UNC79: variants seen among roughly 807,000 people sequenced by gnomAD.
UNC79 encodes unc-79 subunit of NALCN channel complex.
UNC79 carries 37 observed loss-of-function variants against 283.1 expected under a neutral mutation model. The observed-to-expected ratio is 0.13, with a 90% CI of 0.10 to 0.17. UNC79 has a LOEUF of 0.17. Among genes scored for constraint, UNC79 ranks in the 10% least tolerant of loss-of-function variants. The pLI, the probability that UNC79 is intolerant of heterozygous loss-of-function variation, is 1.00. For synonymous variants in UNC79, 1,107 were observed against 1,200.2 expected, an observed-to-expected ratio of 0.92 and a Z score of 1.61; for missense variants, 2,272 against 3,211.1, an observed-to-expected ratio of 0.71 and a Z score of 7.07.
chr14:93,546,978 A>G (rs2061630935), intron 14 of UNC79, among the ~76,000 whole-genome samples: 1 of 152,242 alleles, frequency 6.6e-6, no homozygotes, highest in Admixed American at 6.5e-5. Context: ...TCAGAGAAAC[A>G]TCAGATAACA....
At chr14:93,361,785 A>C (rs765122104) in intron 1 of UNC79, among the ~76,000 whole-genome samples, 1 of 152,174 alleles carries the variant, frequency 6.6e-6, no homozygotes, top group Non-Finnish European at 1.5e-5. Flanking sequence ...CTCAAGGGGA[A>C]TGCTTCAAGC....
chr14:93,616,004 A>G (rs1031072188), intron 27 of UNC79, among the ~76,000 whole-genome samples: 11 of 152,042 alleles, frequency 7.2e-5, no homozygotes, highest in Admixed American at 2.6e-4. Flanking sequence ...TTTTATTTCA[A>G]TGGGTTTTTG....
At chr14:93,352,181 C>T (rs532806888) in intron 1 of UNC79, among the ~76,000 whole-genome samples, 1 of 152,330 alleles carries the variant, frequency 6.6e-6, no homozygotes, top group East Asian at 1.9e-4. Context: ...GGTTGCAAAC[C>T]TGCTCCTAGG....
At chr14:93,384,376 T>C (rs1474008234) in intron 1 of UNC79, among the ~76,000 whole-genome samples, 1 of 152,226 alleles carries the variant, frequency 6.6e-6, no homozygotes, top group Non-Finnish European at 1.5e-5. Context: ...TGTCTAACTT[T>C]TGGATAGAAG....
intron 1 of UNC79, among the ~76,000 whole-genome samples, chr14:93,425,208 G>A (rs993828702): frequency 1.3e-5 from 2 of 152,126 alleles, no homozygotes; most frequent in African/African-American, 4.8e-5. Flanking sequence ...ATGGTGACAG[G>A]AAGGAGAAGT....
At chr14:93,659,614 G>A (rs1051997746) in intron 39 of UNC79, among the ~76,000 whole-genome samples, 2 of 152,104 alleles carry the variant, frequency 1.3e-5, no homozygotes, top group Non-Finnish European at 2.9e-5. Context: ...ATTCCTTAAT[G>A]TGGTATCTAA....
At chr14:93,422,166 G>A (rs2055614788) in intron 1 of UNC79, among the ~76,000 whole-genome samples, 1 of 151,804 alleles carries the variant, frequency 6.6e-6, no homozygotes, top group Non-Finnish European at 1.5e-5. Context: ...TAATACATCA[G>A]TAAACACTTG....
upstream of UNC79, among the ~76,000 whole-genome samples, chr14:93,425,472 T>A (rs574076927): frequency 6.6e-6 from 1 of 152,336 alleles, no homozygotes; most frequent in East Asian, 1.9e-4. Context: ...GGACTTGCCT[T>A]ATAAAGACTT....
intron 1 of UNC79, among the ~76,000 whole-genome samples, chr14:93,435,145 G>C (rs968417273): frequency 1.3e-5 from 2 of 152,144 alleles, no homozygotes; most frequent in African/African-American, 4.8e-5. Flanking sequence ...TAGTCATTTA[G>C]AAATCTTTTC....
chr14:93,541,802 G>A (rs561194978), intron 13 of UNC79, among the ~76,000 whole-genome samples: 3 of 152,076 alleles, frequency 2.0e-5, no homozygotes, highest in South Asian at 2.1e-4. Context: ...TCGGGAGATC[G>A]AGACCATCCT....
At chr14:93,595,971 A>T (rs2141981667) in intron 23 of UNC79, among the ~76,000 whole-genome samples, 1 of 152,316 alleles carries the variant, frequency 6.6e-6, no homozygotes, top group South Asian at 2.1e-4. Context: ...CAGTGAATTT[A>T]TTGAATAAAT....
chr14:93,607,290 G>T (rs1047832679), intron 26 of UNC79, among the ~76,000 whole-genome samples: 1 of 152,054 alleles, frequency 6.6e-6, no homozygotes, highest in Non-Finnish European at 1.5e-5. Context: ...GTTCCTCATC[G>T]CCTGGAACGC....
In UNC79 at chr14:93,418,439, G is replaced by A. The variant is rs1456561355; in HGVS notation, c.-350-49232G>A. Among the ~76,000 whole-genome samples the A allele has an allele frequency of 7.9e-5, 12 of 151,892 alleles. 1 individual carries two copies. In the South Asian group the frequency reaches 2.6e-3, roughly 32 times the overall value. On this transcript the variant is annotated intron_variant, in intron 1 of 49. Coordinates refer to the UNC79 transcript ENST00000256339. ...TGTCAGTCTGCCCCTACTGGGGGGT[G>A]CCTCCCAGTTAGGCTGCTCGGGGGT...
intron 20 of UNC79, among the ~76,000 whole-genome samples, chr14:93,583,717 A>G (rs2063993471): frequency 6.6e-6 from 1 of 152,072 alleles, no homozygotes; most frequent in South Asian, 2.1e-4. Context: ...CCTGGGGGGA[A>G]GAGGAGGGCA....
chr14:93,525,051 A>C (rs549453158), intron 8 of UNC79, among the ~76,000 whole-genome samples: 30 of 152,346 alleles, frequency 2.0e-4, no homozygotes, highest in African/African-American at 6.7e-4. Context: ...GCCGGTAATA[A>C]CACTGTCATC....
chr14:93,570,047 G>A (rs2063124303), intron 14 of UNC79, among the ~76,000 whole-genome samples: 1 of 152,136 alleles, frequency 6.6e-6, no homozygotes, highest in Non-Finnish European at 1.5e-5. Flanking sequence ...TCTGGGCTCA[G>A]TCGATCCTCC....
intron 22 of UNC79, among the ~76,000 whole-genome samples, chr14:93,590,127 C>T (rs187845653): frequency 3.3e-5 from 5 of 152,208 alleles, no homozygotes; most frequent in Admixed American, 6.5e-5. Flanking sequence ...CTTATTAGGG[C>T]ACTAGTCATT....
At chr14:93,347,191 A>T in intron 1 of UNC79, 1 of 1,481,138 alleles carries the variant, frequency 6.8e-7, no homozygotes, top group South Asian at 1.3e-5. Flanking sequence ...CAGCTGCCTC[A>T]CGAGCACTGG....
chr14:93,394,816 A>G (rs541184934), intron 1 of UNC79, among the ~76,000 whole-genome samples: 1 of 152,300 alleles, frequency 6.6e-6, no homozygotes, highest in African/African-American at 2.4e-5. Context: ...AGCTCAAGCA[A>G]TCCTTTCACC....
Sources: gnomAD v4.1 joint callset for allele counts (sites outside exome capture counted in the v4.1 genomes callset) on GRCh38, gnomAD v4.1.1 for gene constraint, MANE v1.5 for transcripts, NCBI Gene and HGNC (gene_info 2026-07-23, HGNC 2026-07-21) for gene names.